Variants in NAV2 observed in about 807,000 individuals in gnomAD.
NAV2 encodes neuron navigator 2.
NAV2 carries 54 observed loss-of-function variants against 223.2 expected under a neutral mutation model. The ratio of observed to expected loss-of-function variants is 0.24; its 90% CI spans 0.19 to 0.30. The LOEUF is 0.30. NAV2 is among the 10% of genes least tolerant of loss of function. NAV2 has a pLI of 1.00. For missense variants in NAV2, 2,806 were observed against 3,147.5 expected (o/e 0.89, Z 2.60); for synonymous variants, 1,279 against 1,239.3 (o/e 1.03, Z -0.67).
intron 1 of NAV2, among the ~76,000 whole-genome samples, chr11:19,592,120 T>C (rs1373877335): frequency 6.6e-6 from 1 of 152,192 alleles, no homozygotes; most frequent in Admixed American, 6.5e-5. Flanking sequence ...GGCACCCATA[T>C]TCATCCCTTT....
rs186983785 is a variant in NAV2 at position 19,389,410 on chromosome 11, G to A, written c.75+38383G>A. 2.3e-4 allele frequency among the ~76,000 whole-genome samples: 35 copies of A among 152,332 alleles called. 1 individual carries two copies. Among genetic ancestry groups the A allele is most frequent in the Non-Finnish European group, 1.8e-4 (12 of 68,030 alleles). On this transcript the variant is annotated intron_variant, in intron 1 of 37. Transcript: ENST00000360655. ...GAAGCACGATGTTCTTTCCCAACGT[G>A]TCTTATATTTCAGAGGCTGCTGCAA...
intron 11 of NAV2, among the ~76,000 whole-genome samples, chr11:19,996,713 A>C (rs964947671): frequency 6.6e-6 from 1 of 152,148 alleles, no homozygotes; most frequent in Non-Finnish European, 1.5e-5. Context: ...CAGAAAGAAG[A>C]GGCTAGCCTT....
At chr11:19,597,225 A>G (rs773089120) in intron 1 of NAV2, among the ~76,000 whole-genome samples, 1 of 152,184 alleles carries the variant, frequency 6.6e-6, no homozygotes, top group Non-Finnish European at 1.5e-5. Flanking sequence ...ATGTATATAA[A>G]TGCATCTCCC....
chr11:19,706,468 C>T (rs2049665921), intron 1 of NAV2, among the ~76,000 whole-genome samples: 1 of 152,162 alleles, frequency 6.6e-6, no homozygotes, highest in Non-Finnish European at 1.5e-5. Flanking sequence ...CCTGATTTAT[C>T]ATTGTATATT....
intron 35 of NAV2, 191 bp from the exon 36 acceptor site, chr11:20,107,473 A>G (rs1279524033): frequency 6.7e-6 from 4 of 599,024 alleles, no homozygotes; most frequent in Non-Finnish European, 1.2e-5. Context: ...CCCCAGGTGG[A>G]ATCAGGGATC....
intron 1 of NAV2, among the ~76,000 whole-genome samples, chr11:19,553,397 A>G (rs1220632432): frequency 6.6e-6 from 1 of 152,198 alleles, no homozygotes; most frequent in Admixed American, 6.5e-5. Flanking sequence ...TCATTTTGGA[A>G]GGAGTAAGAG....
rs2052485609 is a variant in NAV2 at position 20,000,991 on chromosome 11, GAA to G, written c.2768+16747_2768+16748del. ...TGATCCTGTGTGCCACCTGCCTGCTGAAAACCCTTTGTGGCTCTGTGTCACAT... is the reference window on the plus strand; with the variant it reads ...TGATCCTGTGTGCCACCTGCCTGCTGAACCCTTTGTGGCTCTGTGTCACAT... On this transcript the variant is annotated intron_variant, in intron 11 of 37. Coordinates refer to ENST00000349880, the MANE Select transcript of NAV2 (RefSeq NM_145117.5). 2.6e-5 allele frequency among the ~76,000 whole-genome samples: 4 copies of G among 152,134 alleles called. No homozygotes were observed. In the South Asian group the frequency reaches 8.3e-4, roughly 32 times the overall value.
chr11:19,851,517 G>C (rs2061127912), intron 3 of NAV2, among the ~76,000 whole-genome samples: 1 of 152,134 alleles, frequency 6.6e-6, no homozygotes, highest in Admixed American at 6.5e-5. Flanking sequence ...ATTTCTCTGA[G>C]TCTGTCTTCT....
At chr11:19,881,526 G>A (rs1325857266) in intron 5 of NAV2, among the ~76,000 whole-genome samples, 2 of 152,144 alleles carry the variant, frequency 1.3e-5, no homozygotes, top group African/African-American at 4.8e-5. Context: ...GGAAAATATT[G>A]GGAGATAATT....
intron 6 of NAV2, among the ~76,000 whole-genome samples, chr11:19,931,259 C>A (rs1218436962): frequency 6.6e-6 from 1 of 152,148 alleles, no homozygotes; most frequent in East Asian, 1.9e-4. Context: ...CCAAGCCAGT[C>A]TCCCCAGGAA....
At chr11:19,500,790 A>G (rs1418724351) in intron 1 of NAV2, among the ~76,000 whole-genome samples, 1 of 152,192 alleles carries the variant, frequency 6.6e-6, no homozygotes, top group South Asian at 2.1e-4. Context: ...TCTGATGGGT[A>G]AGGTTGCTCA....
intron 4 of NAV2, among the ~76,000 whole-genome samples, chr11:19,869,673 T>C (rs2062346564): frequency 1.3e-5 from 2 of 152,168 alleles, no homozygotes; most frequent in South Asian, 2.1e-4. Context: ...AGAGCTGCCA[T>C]AGGCCCAGGC....
chr11:19,588,864 A>G (rs565519169), intron 1 of NAV2, among the ~76,000 whole-genome samples: 1 of 152,248 alleles, frequency 6.6e-6, no homozygotes, highest in African/African-American at 2.4e-5. Context: ...TTAGAGGGGG[A>G]AAAAGAAGCC....
intron 1 of NAV2, among the ~76,000 whole-genome samples, chr11:19,645,497 AT>A (rs1220736333): frequency 1.3e-5 from 2 of 152,126 alleles, no homozygotes; most frequent in Non-Finnish European, 2.9e-5. Context: ...CACCATAGGG[AT>A]AAATTAGTAA....
At chr11:19,715,340 T>A (rs1172121461) in intron 1 of NAV2, among the ~76,000 whole-genome samples, 1 of 152,184 alleles carries the variant, frequency 6.6e-6, no homozygotes, top group East Asian at 1.9e-4. Context: ...GTGAGGGTTT[T>A]GTGCTCTGCT....
At chr11:19,454,280 A>G (rs558652720) in intron 1 of NAV2, among the ~76,000 whole-genome samples, 27 of 152,302 alleles carry the variant, frequency 1.8e-4, no homozygotes, top group Non-Finnish European at 5.9e-5. Context: ...GCAGAGGGAA[A>G]GCAGTCCGCC....
chr11:19,347,855 C>T (rs1564865770), upstream of NAV2, among the ~76,000 whole-genome samples: 1 of 152,150 alleles, frequency 6.6e-6, no homozygotes, highest in South Asian at 2.1e-4. Context: ...CAGTAGGAAA[C>T]CAGAGCTTTT....
rs60604474 is a variant in NAV2, at chr11:19,500,031, C to CT, written c.75+149005dup. ...ATCCACACACACGCACACACACACC[C>CT]TCTCCATGCCCTTTTGCCACATCAC... is the stretch of plus-strand genomic sequence containing the variant. On this transcript the variant is annotated intron_variant, in intron 1 of 37. Transcript: ENST00000360655. 1.1e-4 allele frequency among the ~76,000 whole-genome samples: 16 copies of CT among 152,212 alleles called. No individual in the cohort carries two copies. The East Asian group carries it at 2.3e-3, about 22-fold the overall frequency.
intron 1 of NAV2, among the ~76,000 whole-genome samples, chr11:19,476,131 T>G (rs1287683751): frequency 6.6e-6 from 1 of 152,120 alleles, no homozygotes; most frequent in Non-Finnish European, 1.5e-5. Flanking sequence ...CGCGCCACCA[T>G]GTCCAGCTAA....
Sources: allele counts gnomAD v4.1 joint callset (sites outside exome capture counted in the v4.1 genomes callset), GRCh38; gene constraint gnomAD v4.1.1; transcripts MANE v1.5; gene names NCBI Gene and HGNC (gene_info 2026-07-23, HGNC 2026-07-21).